The following PDE4D variants were observed in gnomAD, a reference collection of about 807,000 sequenced individuals.
PDE4D encodes the protein 3',5'-cyclic-AMP phosphodiesterase 4D.
Under a neutral mutation model 87.4 loss-of-function variants are expected in PDE4D, and 24 were observed. The ratio of observed to expected loss-of-function variants is 0.27; its 90% CI spans 0.20 to 0.39. The LOEUF is 0.39. Ranked by LOEUF, PDE4D falls within the 10% of genes least tolerant of loss-of-function variation. The probability of loss-of-function intolerance (pLI) is 1.00; values close to 1 mark genes in which losing one functional copy is unlikely to be tolerated. For missense variants in PDE4D, 714 were observed against 1,041.0 expected (o/e 0.69, Z 4.32); for synonymous variants, 384 against 383.2 (o/e 1.00, Z -0.02).
intron 1 of PDE4D, among the ~76,000 whole-genome samples, chr5:60,225,653 C>A (rs1307306579): frequency 6.6e-6 from 1 of 152,066 alleles, no homozygotes; most frequent in African/African-American, 2.4e-5. Context: ...CCTCACTTTG[C>A]TGAATTCTAA....
intron 2 of PDE4D, among the ~76,000 whole-genome samples, chr5:60,039,548 C>A (rs1368085672): frequency 2.6e-5 from 4 of 151,274 alleles, no homozygotes; most frequent in Non-Finnish European, 5.9e-5. Flanking sequence ...AACTAACCTG[C>A]ACATTGTGCA....
intron 3 of PDE4D, among the ~76,000 whole-genome samples, chr5:59,954,771 T>C (rs1041137652): frequency 3.3e-5 from 5 of 152,204 alleles, no homozygotes; most frequent in Non-Finnish European, 5.9e-5. Context: ...CCTTGGTTTC[T>C]ACAGTGAAAT....
At chr5:59,485,175 G>C (rs1198278279) in intron 1 of PDE4D, among the ~76,000 whole-genome samples, 2 of 152,188 alleles carry the variant, frequency 1.3e-5, no homozygotes, top group South Asian at 2.1e-4. Context: ...AGAAGACACA[G>C]TAAGTAGTTA....
intron 2 of PDE4D, among the ~76,000 whole-genome samples, chr5:60,084,216 T>A (rs1311661460): frequency 2.0e-5 from 3 of 152,232 alleles, no homozygotes; most frequent in East Asian, 3.8e-4. Flanking sequence ...AATGGTGTTT[T>A]AAACATCAGA....
chr5:59,864,710 C>T (rs1561785501), intron 1 of PDE4D, among the ~76,000 whole-genome samples: 1 of 152,020 alleles, frequency 6.6e-6, no homozygotes, highest in African/African-American at 2.4e-5. Flanking sequence ...ATAACAAACC[C>T]AACAGACTGG....
chr5:59,053,655 GTTGTTGT>G (rs1761922866), intron 5 of PDE4D, among the ~76,000 whole-genome samples: 2 of 74,898 alleles, frequency 2.7e-5, no homozygotes, highest in Admixed American at 1.4e-4. Flanking sequence ...GTTTTTTTTT[GTTGTTGT>G]TTTTTTTTTT....
At chr5:59,854,894 G>A (rs992760337) in intron 1 of PDE4D, among the ~76,000 whole-genome samples, 9 of 152,088 alleles carry the variant, frequency 5.9e-5, no homozygotes, top group African/African-American at 1.4e-4. Context: ...GCCAGGCACC[G>A]AACACAGCAG....
chr5:59,647,531 C>G (rs1226354104), intron 1 of PDE4D, among the ~76,000 whole-genome samples: 1 of 149,774 alleles, frequency 6.7e-6, no homozygotes, highest in Non-Finnish European at 1.5e-5. Context: ...GTAAAATGTT[C>G]AGGTTATGAC....
At position 59,163,701 on chromosome 5, in the gene PDE4D, T is replaced by C. The variant is rs567282356; in HGVS notation, c.808+16894A>G. Among the ~76,000 whole-genome samples, 7 of 152,324 alleles carry C rather than the reference T, an allele frequency of 4.6e-5. No homozygotes were observed. In the South Asian group the frequency reaches 8.3e-4, roughly 18 times the overall value. ...GACTTCCTTATTATATACATTGCAG[T>C]GAACTCAGGACAGCTAAGATTCAGA... On this transcript the variant is annotated intron_variant, in intron 5 of 14. Coordinates refer to ENST00000340635, the MANE Select transcript of PDE4D (RefSeq NM_001104631.2).
At chr5:59,426,997 A>G (rs901269670) in intron 1 of PDE4D, among the ~76,000 whole-genome samples, 1 of 115,094 alleles carries the variant, frequency 8.7e-6, no homozygotes, top group African/African-American at 3.6e-5. Flanking sequence ...ACTTGAAGCT[A>G]TACACACACA....
intron 1 of PDE4D, among the ~76,000 whole-genome samples, chr5:59,869,700 T>C (rs912244752): frequency 1.3e-5 from 2 of 152,152 alleles, no homozygotes; most frequent in Admixed American, 1.3e-4. Flanking sequence ...GTTCAAACAA[T>C]AGTCCTTGAC....
chr5:58,990,126 C>T (rs1033917864), intron 9 of PDE4D, among the ~76,000 whole-genome samples: 2 of 152,136 alleles, frequency 1.3e-5, no homozygotes, highest in African/African-American at 4.8e-5. Flanking sequence ...GGTTGTCCTG[C>T]TGGAACCCAA....
rs555547272 is a variant in PDE4D, at chr5:59,097,361, A to G, written c.809-58390T>C. On this transcript the variant is annotated intron_variant, in intron 5 of 14. Transcript: ENST00000340635. ...TAGTTATTGCATTCCAGAGAAGTAC[A>G]ATACGAAGTTTCAGACTAGTGCTGG... Among the ~76,000 whole-genome samples the G allele has an allele frequency of 6.6e-5, 10 of 152,336 alleles. No individual in the cohort carries two copies. In the East Asian group the frequency reaches 1.7e-3, roughly 26 times the overall value.
chr5:59,339,609 C>A (rs1417016057), intron 1 of PDE4D, among the ~76,000 whole-genome samples: 3 of 152,100 alleles, frequency 2.0e-5, no homozygotes, highest in Non-Finnish European at 4.4e-5. Flanking sequence ...AAGTATAGAA[C>A]CATTATTTGC....
At chr5:59,446,672 A>G (rs1014680977) in intron 1 of PDE4D, among the ~76,000 whole-genome samples, 1 of 152,220 alleles carries the variant, frequency 6.6e-6, no homozygotes, top group Non-Finnish European at 1.5e-5. Flanking sequence ...GAAATGTTTG[A>G]ACAATGGCAA....
chr5:60,030,306 C>G (rs552787829), intron 2 of PDE4D, among the ~76,000 whole-genome samples: 62 of 152,056 alleles, frequency 4.1e-4, no homozygotes, highest in Admixed American at 6.5e-4. Context: ...AAAAATTAGC[C>G]GGGCGCGGTG....
At chr5:59,386,705 G>GGGAGGGAGGGAA (rs1787114887) in intron 1 of PDE4D, among the ~76,000 whole-genome samples, 2 of 148,672 alleles carry the variant, frequency 1.3e-5, no homozygotes, top group Admixed American at 1.3e-4. Context: ...GAGGGAGGGA[G>GGGAGGGAGGGAA]GGAGGGAGGG....
intron 1 of PDE4D, among the ~76,000 whole-genome samples, chr5:59,672,575 TG>T (rs1454508045): frequency 2.6e-5 from 4 of 152,174 alleles, no homozygotes; most frequent in Non-Finnish European, 5.9e-5. Context: ...CTAAGAAACA[TG>T]GTCATTAGTA....
chr5:60,046,578 CAT>C, intron 2 of PDE4D, among the ~76,000 whole-genome samples: 3 of 151,654 alleles, frequency 2.0e-5, no homozygotes, highest in African/African-American at 7.3e-5. Flanking sequence ...TAGCATGAAG[CAT>C]TGTTGAATTT....
Sources: gnomAD v4.1 joint callset for allele counts (sites outside exome capture counted in the v4.1 genomes callset) on GRCh38, gnomAD v4.1.1 for gene constraint, MANE v1.5 for transcripts, NCBI Gene and HGNC (gene_info 2026-07-23, HGNC 2026-07-21) for gene names.